The following TANGO6 variants were observed in gnomAD, a reference collection of about 807,000 sequenced individuals.
TANGO6 encodes transport and golgi organization 6 homolog, also known as transport and Golgi organization protein 6 homolog.
A neutral mutation model predicts 114.2 loss-of-function variants in TANGO6; 90 were observed. The observed-to-expected ratio is 0.79, with a 90% CI of 0.66 to 0.94. The LOEUF (loss-of-function observed/expected upper bound fraction) is 0.94. TANGO6 is among the 40% of genes least tolerant of loss of function. The pLI, the probability that TANGO6 is intolerant of heterozygous loss-of-function variation, is 0.00. For synonymous variants in TANGO6, 477 were observed against 509.8 expected (o/e 0.94, Z 0.87); for missense variants, 1,274 against 1,315.3 (o/e 0.97, Z 0.49).
At chr16:68,908,602 C>G (rs1001509594) in intron 10 of TANGO6, among the ~76,000 whole-genome samples, 2 of 152,052 alleles carry the variant, frequency 1.3e-5, no homozygotes, top group African/African-American at 4.8e-5. Context: ...ATCACTTGAG[C>G]CCAGGAGGCA....
At chr16:69,059,278 G>C (rs1396071765) in intron 17 of TANGO6, among the ~76,000 whole-genome samples, 1 of 151,718 alleles carries the variant, frequency 6.6e-6, no homozygotes, top group Non-Finnish European at 1.5e-5. Context: ...CACCATATTG[G>C]CCAGGCTGGT....
intron 3 of TANGO6, among the ~76,000 whole-genome samples, chr16:68,866,547 C>T (rs530430438): frequency 7.3e-5 from 11 of 150,386 alleles, no homozygotes; most frequent in African/African-American, 2.4e-4. Flanking sequence ...GGCGTGAACC[C>T]GGGAAGCGGA....
chr16:68,970,953 G>T (rs1160550879), intron 14 of TANGO6, among the ~76,000 whole-genome samples: 2 of 151,994 alleles, frequency 1.3e-5, no homozygotes, highest in Non-Finnish European at 2.9e-5. Flanking sequence ...AGGAGTTCGA[G>T]ATCAGCCTGG....
At chr16:68,971,742 C>T (rs1963707113) in intron 14 of TANGO6, among the ~76,000 whole-genome samples, 1 of 151,922 alleles carries the variant, frequency 6.6e-6, no homozygotes, top group Non-Finnish European at 1.5e-5. Context: ...AGCGATTCTC[C>T]TGCCTCAGCC....
At chr16:69,011,753 G>A (rs1032409203) in intron 15 of TANGO6, among the ~76,000 whole-genome samples, 3 of 152,152 alleles carry the variant, frequency 2.0e-5, no homozygotes, top group African/African-American at 7.2e-5. Flanking sequence ...GCACCCCTCT[G>A]CTATGTAAGC....
chr16:69,045,156 C>CAAAAA (rs34165608), intron 17 of TANGO6, among the ~76,000 whole-genome samples: 20 of 88,408 alleles, frequency 2.3e-4, no homozygotes, highest in Non-Finnish European at 4.0e-4. Context: ...ACTCTTGTCT[C>CAAAAA]AAAAAAAAAA....
intron 16 of TANGO6, among the ~76,000 whole-genome samples, chr16:69,025,096 C>T (rs1959477215): frequency 6.6e-6 from 1 of 152,236 alleles, no homozygotes; most frequent in African/African-American, 2.4e-5. Context: ...GATTTTTCTT[C>T]TCAGTCACTT....
chr16:69,082,806 G>A (rs1960485430), intron 17 of TANGO6, among the ~76,000 whole-genome samples: 1 of 152,112 alleles, frequency 6.6e-6, no homozygotes, highest in African/African-American at 2.4e-5. Context: ...GCCAGCAGAG[G>A]GCTTTATGGG....
chr16:68,886,132 G>C (rs1962536329), intron 7 of TANGO6, among the ~76,000 whole-genome samples: 1 of 152,024 alleles, frequency 6.6e-6, no homozygotes, highest in Admixed American at 6.6e-5. Context: ...GTTTCCTAAT[G>C]GCTAATGATA....
intron 14 of TANGO6, among the ~76,000 whole-genome samples, chr16:68,940,542 C>A (rs919416929): frequency 6.6e-6 from 1 of 152,030 alleles, no homozygotes; most frequent in Non-Finnish European, 1.5e-5. Context: ...CACTTCTCAT[C>A]CTGGTTTGTA....
At chr16:68,877,491 G>C (rs974755536) in intron 5 of TANGO6, among the ~76,000 whole-genome samples, 1 of 149,358 alleles carries the variant, frequency 6.7e-6, no homozygotes, top group Non-Finnish European at 1.5e-5. Context: ...AAAGGAAAAA[G>C]AAAAATGTGG....
chr16:68,857,780 G>A (rs559037390), intron 1 of TANGO6, among the ~76,000 whole-genome samples: 4 of 152,078 alleles, frequency 2.6e-5, no homozygotes, highest in East Asian at 1.9e-4. Context: ...ATGATATTGG[G>A]CATCTTTTCA....
At chr16:68,929,376 T>C (rs1963211846) in intron 13 of TANGO6, among the ~76,000 whole-genome samples, 1 of 152,210 alleles carries the variant, frequency 6.6e-6, no homozygotes, top group Non-Finnish European at 1.5e-5. Flanking sequence ...TTATCCTCTT[T>C]ATTTCCATGG....
intron 17 of TANGO6, among the ~76,000 whole-genome samples, chr16:69,063,026 G>A (rs907471021): frequency 4.0e-5 from 6 of 151,572 alleles, no homozygotes; most frequent in African/African-American, 1.2e-4. Context: ...TCAAGAGTTC[G>A]AGACCAACCT....
At chr16:68,949,236 A>C (rs1339716155) in intron 14 of TANGO6, among the ~76,000 whole-genome samples, 2 of 152,216 alleles carry the variant, frequency 1.3e-5, no homozygotes, top group African/African-American at 2.4e-5. Context: ...TATCCAGTTT[A>C]CTGAGAGCGT....
intron 15 of TANGO6, among the ~76,000 whole-genome samples, chr16:68,996,894 G>A (rs1216238322): frequency 2.6e-5 from 4 of 152,172 alleles, no homozygotes; most frequent in African/African-American, 9.7e-5. Context: ...AGCCTGGAAA[G>A]AAGATTAAAA....
Position 68,973,202 on chromosome 16 carries a change from G to C in TANGO6, c.2702-826G>C. Reference sequence around the variant, plus strand: ...GAGAAACCCAAAGCAGAGTTGATGGGCCAGGGTGCTTGGGGTAGAAGTGGG... The same window carrying C: ...GAGAAACCCAAAGCAGAGTTGATGGCCCAGGGTGCTTGGGGTAGAAGTGGG... On this transcript the variant is annotated intron_variant, in intron 14 of 17. Coordinates refer to ENST00000261778, the MANE Select transcript of TANGO6 (RefSeq NM_024562.2). 1.1e-5 allele frequency: 5 copies of C among 455,530 alleles called. 1 individual carries two copies. Among genetic ancestry groups the C allele is most frequent in the South Asian group, 7.8e-5 (5 of 64,456 alleles). 28.2% of individuals were successfully genotyped at this position (455,530 alleles called of 1,614,324 possible).
chr16:68,963,239 A>G (rs1963612458), intron 14 of TANGO6, among the ~76,000 whole-genome samples: 1 of 151,806 alleles, frequency 6.6e-6, no homozygotes, highest in South Asian at 2.1e-4. Context: ...CTCCCACCTC[A>G]GCCTCCATAG....
At chr16:69,048,276 T>C in intron 17 of TANGO6, among the ~76,000 whole-genome samples, 1 of 117,252 alleles carries the variant, frequency 8.5e-6, no homozygotes. Context: ...TTTTTTTTTT[T>C]TTTTTTGTAG....
Sources: allele counts gnomAD v4.1 joint callset (sites outside exome capture counted in the v4.1 genomes callset), GRCh38; gene constraint gnomAD v4.1.1; transcripts MANE v1.5; gene names NCBI Gene and HGNC (gene_info 2026-07-23, HGNC 2026-07-21).